RANBP9: variants seen among roughly 807,000 people sequenced by gnomAD.
The protein encoded by RANBP9 is ran-binding protein 9.
RANBP9 carries 15 observed loss-of-function variants against 84.3 expected under a neutral mutation model. That is an observed-to-expected ratio of 0.18 (90% CI 0.12 to 0.27). The LOEUF is 0.27. Among genes scored for constraint, RANBP9 ranks in the 10% least tolerant of loss-of-function variants. The pLI is 1.00. For missense variants in RANBP9, 809 were observed against 912.8 expected, an observed-to-expected ratio of 0.89 and a Z score of 1.46; for synonymous variants, 392 against 349.6, an observed-to-expected ratio of 1.12 and a Z score of -1.35.
At chr6:13,676,894 T>A (rs533959096) in intron 2 of RANBP9, among the ~76,000 whole-genome samples, 14 of 152,244 alleles carry the variant, frequency 9.2e-5, no homozygotes, top group African/African-American at 3.1e-4. Context: ...ACAAAAAACC[T>A]ACAATTAGTA....
chr6:13,711,176 C>A lies in RANBP9; in HGVS notation c.330G>T (p.Ala110=). Residue 110 remains alanine (A), a synonymous_variant, in exon 1 of 14, where the codon GCG becomes GCT. Coordinates refer to ENST00000011619, the MANE Select transcript of RANBP9 (RefSeq NM_005493.3). The part of the protein sequence containing the change: ...SGPPAPPGLA[A]GPGPAGGAPT... Reference sequence around the variant, plus strand: ...GGGCTCCTCCAGCCGGGCCGGGGCCCGCTGCAAGGCCCGGGGGAGCGGGCG... The same window carrying A: ...GGGCTCCTCCAGCCGGGCCGGGGCCAGCTGCAAGGCCCGGGGGAGCGGGCG... The A allele has an allele frequency of 2.2e-6, 3 of 1,395,332 alleles. No individual in the cohort carries two copies. Among genetic ancestry groups the A allele is most frequent in the Non-Finnish European group, 2.8e-6 (3 of 1,078,346 alleles). 86.4% of individuals were successfully genotyped at this position (1,395,332 alleles called of 1,614,324 possible).
At chr6:13,701,865 C>T (rs7751897) in intron 1 of RANBP9, among the ~76,000 whole-genome samples, 2,123 of 152,234 alleles carry the variant, frequency 0.014, 52 homozygotes, top group African/African-American at 0.048. Flanking sequence ...TCTATGTCCA[C>T]GGCAGTCTTC....
At chr6:13,669,639 G>T (rs1293885749) in intron 2 of RANBP9, among the ~76,000 whole-genome samples, 2 of 152,200 alleles carry the variant, frequency 1.3e-5, no homozygotes, top group Non-Finnish European at 2.9e-5. Context: ...TAACCAGGCT[G>T]CAGTGCAGTG....
intron 10 of RANBP9, among the ~76,000 whole-genome samples, chr6:13,635,994 G>A (rs2127763299): frequency 6.6e-6 from 1 of 152,164 alleles, no homozygotes; most frequent in Admixed American, 6.5e-5. Flanking sequence ...GAGTAATTAT[G>A]ATCAGTACTA....
intron 12 of RANBP9, among the ~76,000 whole-genome samples, chr6:13,629,886 C>T (rs1473438924): frequency 1.4e-5 from 2 of 146,368 alleles, no homozygotes; most frequent in Non-Finnish European, 3.0e-5. Context: ...CTCTCTCTCT[C>T]ATGTCTCTGT....
chr6:13,701,361 A>G (rs1757965530), intron 1 of RANBP9, among the ~76,000 whole-genome samples: 1 of 152,234 alleles, frequency 6.6e-6, no homozygotes, highest in South Asian at 2.1e-4. Context: ...ATTTTTAGAA[A>G]TGTTGTCAGC....
At chr6:13,644,042 CT>C (rs1275957199) in intron 6 of RANBP9, among the ~76,000 whole-genome samples, 1 of 152,136 alleles carries the variant, frequency 6.6e-6, no homozygotes, top group Non-Finnish European at 1.5e-5. Context: ...GTGAAGAGGA[CT>C]TTTTAAATTT....
chr6:13,647,739 T>C (rs1467532801), intron 5 of RANBP9, among the ~76,000 whole-genome samples: 1 of 152,108 alleles, frequency 6.6e-6, no homozygotes, highest in Non-Finnish European at 1.5e-5. Context: ...TACTATACAT[T>C]ACTTCTGTAA....
chr6:13,651,930 C>G (rs1432877142), intron 5 of RANBP9, among the ~76,000 whole-genome samples: 4 of 152,112 alleles, frequency 2.6e-5, no homozygotes, highest in Admixed American at 6.6e-5. Flanking sequence ...CTCTACCACA[C>G]TTCACACTCT....
chr6:13,671,542 C>T (rs1283790862), intron 2 of RANBP9, among the ~76,000 whole-genome samples: 1 of 151,910 alleles, frequency 6.6e-6, no homozygotes, highest in Non-Finnish European at 1.5e-5. Context: ...AAGTCAGAAA[C>T]GAGAGGTCAC....
intron 8 of RANBP9, among the ~76,000 whole-genome samples, chr6:13,640,604 A>G (rs138424514): frequency 0.014 from 2,121 of 152,346 alleles, 50 homozygotes; most frequent in African/African-American, 0.048. Context: ...TCTGATACAT[A>G]CTACAATAAA....
chr6:13,690,442 G>C (rs1766296903), intron 2 of RANBP9, among the ~76,000 whole-genome samples: 1 of 152,076 alleles, frequency 6.6e-6, no homozygotes, highest in Non-Finnish European at 1.5e-5. Context: ...CAGGAAGAAA[G>C]ACCTTTGTTC....
intron 1 of RANBP9, among the ~76,000 whole-genome samples, chr6:13,697,271 T>C (rs1332602387): frequency 6.6e-6 from 1 of 152,216 alleles, no homozygotes; most frequent in African/African-American, 2.4e-5. Flanking sequence ...AATTTGCATA[T>C]AACTTATATA....
Position 13,637,838 on chromosome 6 carries a change from G to A in RANBP9, c.1643C>T (p.Ser548Leu), listed in dbSNP as rs1023878572. 6.3e-7 allele frequency: 1 copy of A among 1,599,476 alleles called. No homozygotes were observed. The highest frequency in any genetic ancestry group is 8.5e-7 in the Non-Finnish European group (1 of 1,175,422). Residue 548 changes from serine (S) to leucine (L), a missense_variant, in exon 10 of 14, where the codon TCA becomes TTA. Physicochemically the swap from Ser to Leu is moderately radical, Grantham distance 145. Coordinates refer to ENST00000011619, the MANE Select transcript of RANBP9 (RefSeq NM_005493.3). ...GAAGTTATTAACTTGCTGTGATCTT[G>A]ACATATTTATACTGTTTAGTTCTGG... ...NVPELNSINMSRSQQVNNFTS... is the reference protein window; with the variant it reads ...NVPELNSINMLRSQQVNNFTS...
chr6:13,707,005 CAAAAAAA>C (rs34108954), intron 1 of RANBP9, among the ~76,000 whole-genome samples: 1 of 122,292 alleles, frequency 8.2e-6, no homozygotes, highest in African/African-American at 2.9e-5. Context: ...GACTCTGTCT[CAAAAAAA>C]AAAAAAAAAA....
At chr6:13,650,340 ATAATTT>A (rs1430581930) in intron 5 of RANBP9, among the ~76,000 whole-genome samples, 2 of 151,812 alleles carry the variant, frequency 1.3e-5, no homozygotes, top group African/African-American at 4.9e-5. Context: ...ATTTTCTATT[ATAATTT>A]TGATTTCTGT....
At chr6:13,683,621 T>A (rs190786518) in intron 2 of RANBP9, among the ~76,000 whole-genome samples, 2 of 152,174 alleles carry the variant, frequency 1.3e-5, no homozygotes, top group East Asian at 3.8e-4. Context: ...GGAGAGAATA[T>A]ACTCCAAAAT....
intron 1 of RANBP9, among the ~76,000 whole-genome samples, chr6:13,703,402 A>C (rs1246854709): frequency 6.6e-6 from 1 of 152,214 alleles, no homozygotes; most frequent in Non-Finnish European, 1.5e-5. Flanking sequence ...CCCAAGCTTC[A>C]GATCAATTAT....
rs762720373 is a variant in RANBP9 at position 13,622,451 on chromosome 6, T to C, written c.2101A>G (p.Met701Val). 37 of 1,600,408 alleles carry C rather than the reference T, an allele frequency of 2.3e-5. No homozygotes were observed. In the South Asian group the frequency reaches 2.7e-4, roughly 12 times the overall value. ...LPKQPPLALA[M>V]GQATQCLGLM... is the part of the protein sequence containing the mutation. The stretch of plus-strand genomic sequence containing the variant: ...CCTAGACATTGTGTGGCCTGTCCCA[T>C]TGCTAGGGCAAGTGGAGGTTGCTTT... Residue 701 changes from methionine to valine, a missense_variant, in exon 14 of 14, where the codon ATG becomes GTG. By Grantham distance (21) the Met-to-Val change is conservative. Around this residue, in one of 5 missense-constraint regions of RANBP9, gnomAD observed 233 missense variants for 234.4 expected, o/e 0.99. Coordinates refer to ENST00000011619, the MANE Select transcript of RANBP9 (RefSeq NM_005493.3).
Sources: allele counts gnomAD v4.1 joint callset (sites outside exome capture counted in the v4.1 genomes callset), GRCh38; gene constraint gnomAD v4.1.1; regional missense constraint gnomAD v4.1.1; transcripts MANE v1.5; gene names NCBI Gene and HGNC (gene_info 2026-07-23, HGNC 2026-07-21).